The following THSD4 variants were observed in gnomAD, a reference collection of about 807,000 sequenced individuals.
THSD4 encodes thrombospondin type 1 domain containing 4, also known as thrombospondin type-1 domain-containing protein 4.
A neutral mutation model predicts 119.0 loss-of-function variants in THSD4; 69 were observed. That is an observed-to-expected ratio of 0.58 (90% CI 0.48 to 0.71). The LOEUF is 0.71. Among genes scored for constraint, THSD4 ranks in the 30% least tolerant of loss-of-function variants. THSD4 has a pLI of 0.00. For missense variants in THSD4, 1,393 were observed against 1,391.1 expected, an observed-to-expected ratio of 1.00 and a Z score of -0.02; for synonymous variants, 524 against 540.4, an observed-to-expected ratio of 0.97 and a Z score of 0.42.
chr15:71,768,949 CG>C (rs2053765353), intron 16 of THSD4, among the ~76,000 whole-genome samples: 2 of 136,656 alleles, frequency 1.5e-5, no homozygotes, highest in African/African-American at 5.6e-5. Context: ...CCGCCCCGTC[CG>C]GGAGGGAGGT....
intron 6 of THSD4, among the ~76,000 whole-genome samples, chr15:71,298,048 T>G (rs1426687703): frequency 2.6e-5 from 4 of 152,206 alleles, no homozygotes; most frequent in Admixed American, 2.0e-4. Context: ...TTTACCCTTG[T>G]GTTTTCTTCT....
chr15:71,581,122 A>G (rs1326827143), intron 7 of THSD4, among the ~76,000 whole-genome samples: 2 of 152,136 alleles, frequency 1.3e-5, no homozygotes, highest in African/African-American at 4.8e-5. Flanking sequence ...TTTTAATGCT[A>G]TGAAGAGCCT....
chr15:71,699,938 A>G (rs920471228), intron 8 of THSD4, among the ~76,000 whole-genome samples: 1 of 152,224 alleles, frequency 6.6e-6, no homozygotes, highest in African/African-American at 2.4e-5. Context: ...ACAAATTAAT[A>G]AAAAGCTATG....
intron 5 of THSD4, among the ~76,000 whole-genome samples, chr15:71,255,052 CCTT>C (rs1325354040): frequency 1.3e-5 from 2 of 152,200 alleles, no homozygotes; most frequent in Non-Finnish European, 2.9e-5. Context: ...TGTTTTCAGT[CCTT>C]CTTCTGGTCC....
intron 17 of THSD4, 35 bp downstream of exon 17, chr15:71,771,243 G>A (rs763557533): frequency 1.2e-6 from 2 of 1,610,394 alleles, no homozygotes; most frequent in South Asian, 1.1e-5. Flanking sequence ...GGAAAGGTTT[G>A]TGTTTTTTAA....
In THSD4 at chr15:71,606,618, G is replaced by A. The variant is rs151257182; in HGVS notation, c.1153-53912G>A. Among the ~76,000 whole-genome samples, 434 of 152,186 alleles carry A rather than the reference G, an allele frequency of 2.9e-3. 5 individuals carry two copies. The highest frequency in any genetic ancestry group is 9.5e-3 in the African/African-American group (395 of 41,524). Reference sequence around the variant, plus strand: ...TGCAATGGCATGATCTCGGCTCACCGCAACCTCCACCTCCCGGGTTCAAGC... The same window carrying A: ...TGCAATGGCATGATCTCGGCTCACCACAACCTCCACCTCCCGGGTTCAAGC... On this transcript the variant is annotated intron_variant, in intron 7 of 17. Coordinates refer to ENST00000261862, the MANE Select transcript of THSD4 (RefSeq NM_024817.3).
chr15:71,442,052 G>A (rs373394060), intron 7 of THSD4, among the ~76,000 whole-genome samples: 6 of 152,020 alleles, frequency 3.9e-5, no homozygotes, highest in South Asian at 4.2e-4. Context: ...TCCGCCTCCC[G>A]GGTTCAAGCG....
intron 7 of THSD4, among the ~76,000 whole-genome samples, chr15:71,579,219 A>T (rs922424915): frequency 2.6e-5 from 4 of 152,234 alleles, no homozygotes; most frequent in African/African-American, 9.6e-5. Context: ...GGATTTAGGT[A>T]AGGCAGTGTT....
chr15:71,339,558 G>A (rs1224560319), intron 6 of THSD4, among the ~76,000 whole-genome samples: 2 of 152,096 alleles, frequency 1.3e-5, no homozygotes, highest in Non-Finnish European at 2.9e-5. Context: ...GGGGTGTAGT[G>A]TTTAAGAGAT....
chr15:71,586,238 T>G (rs948673727), intron 7 of THSD4, among the ~76,000 whole-genome samples: 4 of 152,178 alleles, frequency 2.6e-5, no homozygotes, highest in African/African-American at 7.2e-5. Flanking sequence ...CTGATGGGAC[T>G]ATCTCTGGGA....
chr15:71,676,652 C>A (rs1338428835), intron 8 of THSD4, among the ~76,000 whole-genome samples: 6 of 152,164 alleles, frequency 3.9e-5, no homozygotes, highest in African/African-American at 1.4e-4. Flanking sequence ...CCTCCAAGCC[C>A]CTGGTAACTT....
chr15:71,570,067 A>T (rs2049320054), intron 7 of THSD4, among the ~76,000 whole-genome samples: 1 of 152,322 alleles, frequency 6.6e-6, no homozygotes, highest in South Asian at 2.1e-4. Flanking sequence ...AATAAAGCGG[A>T]TAAAATATAT....
At chr15:71,644,325 C>T (rs920136038) in intron 7 of THSD4, among the ~76,000 whole-genome samples, 7 of 152,178 alleles carry the variant, frequency 4.6e-5, no homozygotes, top group Non-Finnish European at 8.8e-5. Context: ...TTTTGTTCTT[C>T]TCTATACTAC....
At chr15:71,591,412 A>T (rs888360419) in intron 7 of THSD4, among the ~76,000 whole-genome samples, 2 of 152,240 alleles carry the variant, frequency 1.3e-5, no homozygotes, top group Non-Finnish European at 2.9e-5. Flanking sequence ...ACTATGTGAT[A>T]AGATTTTGAT....
intron 8 of THSD4, among the ~76,000 whole-genome samples, chr15:71,698,794 T>A (rs577720701): frequency 1.3e-5 from 2 of 152,014 alleles, no homozygotes; most frequent in South Asian, 4.2e-4. Flanking sequence ...AAGGACATTA[T>A]GCCAAGTGAA....
chr15:71,696,951 G>A (rs1012784915), intron 8 of THSD4, among the ~76,000 whole-genome samples: 2 of 152,166 alleles, frequency 1.3e-5, no homozygotes, highest in Non-Finnish European at 2.9e-5. Context: ...GGTCGATCAT[G>A]GTGCAGTGTA....
chr15:71,151,153 G>A (rs186263839), intron 2 of THSD4, among the ~76,000 whole-genome samples: 294 of 152,298 alleles, frequency 1.9e-3, no homozygotes, highest in African/African-American at 6.6e-3. Flanking sequence ...CTTAAGAAGT[G>A]AGGGAACGAG....
At chr15:71,517,362 C>G (rs1331927643) in intron 7 of THSD4, among the ~76,000 whole-genome samples, 1 of 152,174 alleles carries the variant, frequency 6.6e-6, no homozygotes, top group Non-Finnish European at 1.5e-5. Context: ...TTTTCGCTTT[C>G]ATGCTTCTTC....
Position 71,419,741 on chromosome 15 carries a change from A to G in THSD4, c.1152+7918A>G, listed in dbSNP as rs1373221169. ...TAATTTCTTCATTGACCCACTAATCATTCAGGAGCAAATTGTTTAATTTCC... is the reference window on the plus strand; with the variant it reads ...TAATTTCTTCATTGACCCACTAATCGTTCAGGAGCAAATTGTTTAATTTCC... On this transcript the variant is annotated intron_variant, in intron 7 of 17. Coordinates refer to ENST00000261862, the MANE Select transcript of THSD4 (RefSeq NM_024817.3). Among the ~76,000 whole-genome samples the G allele has an allele frequency of 2.8e-5, 3 of 107,914 alleles. 1 individual carries two copies. Among genetic ancestry groups the G allele is most frequent in the Non-Finnish European group, 6.1e-5 (3 of 49,174 alleles). 70.8% of individuals were successfully genotyped at this position (107,914 alleles called of 152,430 possible).
Sources: gnomAD v4.1 joint callset for allele counts (sites outside exome capture counted in the v4.1 genomes callset) on GRCh38, gnomAD v4.1.1 for gene constraint, MANE v1.5 for transcripts, NCBI Gene and HGNC (gene_info 2026-07-23, HGNC 2026-07-21) for gene names.